Variants in THSD7B observed in about 807,000 individuals in gnomAD.
THSD7B encodes the protein thrombospondin type 1 domain containing 7B, also known as thrombospondin type-1 domain-containing protein 7B.
THSD7B carries 138 observed loss-of-function variants against 213.6 expected under a neutral mutation model. The ratio of observed to expected loss-of-function variants is 0.65; its 90% CI spans 0.56 to 0.74. The LOEUF (loss-of-function observed/expected upper bound fraction) is 0.74. Among genes scored for constraint, THSD7B ranks in the 30% least tolerant of loss-of-function variants. THSD7B has a pLI of 0.00. For missense variants in THSD7B, 1,931 were observed against 1,991.5 expected, an observed-to-expected ratio of 0.97 and a Z score of 0.58; for synonymous variants, 742 against 687.0, an observed-to-expected ratio of 1.08 and a Z score of -1.25.
intron 1 of THSD7B, among the ~76,000 whole-genome samples, chr2:136,861,574 C>A (rs1263228780): frequency 6.6e-6 from 1 of 152,186 alleles, no homozygotes; most frequent in Non-Finnish European, 1.5e-5. Context: ...TCCCATGAAT[C>A]TGGTTTGCTC....
chr2:137,400,989 G>A (rs928252321), intron 12 of THSD7B, among the ~76,000 whole-genome samples: 1 of 152,202 alleles, frequency 6.6e-6, no homozygotes, highest in African/African-American at 2.4e-5. Flanking sequence ...AGGTGAAACC[G>A]CTGACATGCC....
chr2:137,276,100 C>T, intron 12 of THSD7B, 74 bp downstream of exon 12: 4 of 1,023,492 alleles, frequency 3.9e-6, no homozygotes, highest in South Asian at 3.3e-5. Context: ...GTGTTGCTTA[C>T]TTTTATATTT....
rs556377250 is a variant in THSD7B at position 137,588,760 on chromosome 2, CTTTAT to C, written c.3423+16207_3423+16211del. On this transcript the variant is annotated intron_variant, in intron 17 of 27. Transcript: ENST00000409968. Reference sequence around the variant, plus strand: ...TATTGGTATGTTGACTCATGTTGTCCTTTATTTATTTATTTATTTATTTATTTATT... The same window carrying C: ...TATTGGTATGTTGACTCATGTTGTCCTTATTTATTTATTTATTTATTTATT... Among the ~76,000 whole-genome samples the C allele has an allele frequency of 2.0e-5, 3 of 147,076 alleles. No individual in the cohort carries two copies. In the South Asian group the frequency reaches 6.6e-4, roughly 32 times the overall value.
At chr2:136,901,050 A>G (rs1684054099) in intron 2 of THSD7B, among the ~76,000 whole-genome samples, 1 of 151,506 alleles carries the variant, frequency 6.6e-6, no homozygotes, top group Non-Finnish European at 1.5e-5. Flanking sequence ...GTGCTTGTGT[A>G]AAACAGAAAA....
chr2:137,284,254 G>A (rs1683112396), intron 12 of THSD7B, among the ~76,000 whole-genome samples: 1 of 151,920 alleles, frequency 6.6e-6, no homozygotes, highest in Non-Finnish European at 1.5e-5. Context: ...TATCCCCTTT[G>A]TCATTTTTTA....
intron 7 of THSD7B, among the ~76,000 whole-genome samples, chr2:137,206,640 T>C (rs4555397): frequency 0.32 from 47,927 of 151,800 alleles, 8,812 homozygotes; most frequent in African/African-American, 0.5. Flanking sequence ...CAGGTCCAGG[T>C]GGGAATAGAG....
intron 15 of THSD7B, among the ~76,000 whole-genome samples, chr2:137,451,247 A>C (rs1687645488): frequency 6.6e-6 from 1 of 152,102 alleles, no homozygotes; most frequent in Non-Finnish European, 1.5e-5. Context: ...AGTAGTAATA[A>C]TATTTACAAA....
chr2:137,562,362 A>G (rs1681136878), intron 15 of THSD7B, among the ~76,000 whole-genome samples: 2 of 152,124 alleles, frequency 1.3e-5, no homozygotes, highest in African/African-American at 4.8e-5. Flanking sequence ...TAGAAAGAGC[A>G]CTGTTCCTCA....
At chr2:137,553,437 G>C (rs1680890025) in intron 15 of THSD7B, among the ~76,000 whole-genome samples, 1 of 152,110 alleles carries the variant, frequency 6.6e-6, no homozygotes, top group Non-Finnish European at 1.5e-5. Flanking sequence ...TCAGAAAGCA[G>C]TACTTAGTTA....
intron 15 of THSD7B, among the ~76,000 whole-genome samples, chr2:137,494,263 T>G (rs1224686687): frequency 2.6e-5 from 4 of 152,098 alleles, no homozygotes; most frequent in African/African-American, 9.7e-5. Context: ...CTCTATTTCC[T>G]TAACATCTTC....
At position 137,308,845 on chromosome 2, in the gene THSD7B, T is replaced by C. The variant is rs191426889; in HGVS notation, c.2500+32819T>C. On this transcript the variant is annotated intron_variant, in intron 12 of 27. Transcript: ENST00000409968. ...ACTGTTTTTTTCCTTGCTAACACTT[T>C]GCAGACATATCTTAAAGTCCTTATT... 1.1e-3 allele frequency among the ~76,000 whole-genome samples: 169 copies of C among 152,246 alleles called. 1 individual carries two copies. The highest frequency in any genetic ancestry group is 3.9e-3 in the African/African-American group (163 of 41,570).
At chr2:137,452,970 T>C (rs1687682367) in intron 15 of THSD7B, among the ~76,000 whole-genome samples, 1 of 152,156 alleles carries the variant, frequency 6.6e-6, no homozygotes, top group African/African-American at 2.4e-5. Flanking sequence ...GTAGAGGGTA[T>C]TTCTAACTTT....
intron 1 of THSD7B, among the ~76,000 whole-genome samples, chr2:136,848,967 C>A (rs936685893): frequency 5.3e-5 from 8 of 152,140 alleles, no homozygotes; most frequent in African/African-American, 1.9e-4. Flanking sequence ...CACTTTATGG[C>A]ATCTCTGAGT....
At chr2:136,958,880 G>C (rs1237628567) in intron 2 of THSD7B, among the ~76,000 whole-genome samples, 3 of 152,074 alleles carry the variant, frequency 2.0e-5, no homozygotes, top group Non-Finnish European at 2.9e-5. Flanking sequence ...TCAGACCTTT[G>C]AATTCTCTGT....
chr2:137,117,528 A>G (rs1688466353), intron 5 of THSD7B, among the ~76,000 whole-genome samples: 1 of 152,104 alleles, frequency 6.6e-6, no homozygotes, highest in African/African-American at 2.4e-5. Context: ...TTTTAGTAGT[A>G]TTGACTTTGG....
chr2:137,453,661 A>AT (rs1226723516), intron 15 of THSD7B, among the ~76,000 whole-genome samples: 2 of 152,150 alleles, frequency 1.3e-5, no homozygotes, highest in Non-Finnish European at 2.9e-5. Flanking sequence ...TTTGAAATGT[A>AT]CAATACACTA....
At chr2:136,998,261 C>CAAA (rs33931359) in intron 2 of THSD7B, among the ~76,000 whole-genome samples, 11 of 98,384 alleles carry the variant, frequency 1.1e-4, no homozygotes, top group East Asian at 2.7e-4. Flanking sequence ...ACTAAAAGGC[C>CAAA]AAAAAAAAAA....
chr2:137,262,872 G>T (rs1682485696), intron 10 of THSD7B, among the ~76,000 whole-genome samples: 1 of 152,106 alleles, frequency 6.6e-6, no homozygotes, highest in African/African-American at 2.4e-5. Context: ...TGGGGCACTA[G>T]GAATTTGAGA....
intron 5 of THSD7B, among the ~76,000 whole-genome samples, chr2:137,159,407 G>A (rs1679968947): frequency 6.6e-6 from 1 of 151,582 alleles, no homozygotes; most frequent in South Asian, 2.1e-4. Flanking sequence ...CAGCCTGGGT[G>A]ACAGGGTGAA....
Sources: gnomAD v4.1 joint callset for allele counts (sites outside exome capture counted in the v4.1 genomes callset) on GRCh38, gnomAD v4.1.1 for gene constraint, MANE v1.5 for transcripts, NCBI Gene and HGNC (gene_info 2026-07-23, HGNC 2026-07-21) for gene names.